GPC6: variants seen among roughly 807,000 people sequenced by gnomAD.
GPC6 encodes glypican 6.
GPC6 carries 14 observed loss-of-function variants against 55.2 expected under a neutral mutation model. The ratio of observed to expected loss-of-function variants is 0.25; its 90% CI spans 0.17 to 0.40. The LOEUF (loss-of-function observed/expected upper bound fraction) is 0.40. Ranked by LOEUF, GPC6 falls within the 10% of genes least tolerant of loss-of-function variation. The probability of loss-of-function intolerance (pLI) is 1.00; values close to 1 mark genes in which losing one functional copy is unlikely to be tolerated. For missense variants in GPC6, 641 were observed against 708.5 expected (o/e 0.90, Z 1.08); for synonymous variants, 278 against 259.6 (o/e 1.07, Z -0.68).
At chr13:93,599,138 G>A (rs536125715) in intron 2 of GPC6, among the ~76,000 whole-genome samples, 67 of 152,204 alleles carry the variant, frequency 4.4e-4, no homozygotes, top group African/African-American at 1.3e-3. Flanking sequence ...AAATTATACC[G>A]AAAAGTTCCT....
intron 4 of GPC6, among the ~76,000 whole-genome samples, chr13:94,284,179 G>C (rs1479027057): frequency 6.6e-6 from 1 of 152,164 alleles, no homozygotes; most frequent in East Asian, 1.9e-4. Context: ...CAGACCCTCT[G>C]TCCGCCTGGG....
At chr13:93,976,755 A>G (rs771099238) in intron 3 of GPC6, among the ~76,000 whole-genome samples, 1 of 151,836 alleles carries the variant, frequency 6.6e-6, no homozygotes, top group Non-Finnish European at 1.5e-5. Context: ...ACTCTTAGGC[A>G]GCTTGTGGCA....
At chr13:93,353,224 G>A (rs558723580) in intron 1 of GPC6, among the ~76,000 whole-genome samples, 1 of 152,316 alleles carries the variant, frequency 6.6e-6, no homozygotes, top group Admixed American at 6.5e-5. Context: ...ATACGATAAA[G>A]TAATTTGGAA....
chr13:94,273,477 A>G (rs910269268), intron 4 of GPC6, among the ~76,000 whole-genome samples: 12 of 152,220 alleles, frequency 7.9e-5, no homozygotes, highest in African/African-American at 2.7e-4. Context: ...GCTTAATTGG[A>G]GCAAAGAAAG....
chr13:93,628,447 C>T lies in GPC6; in HGVS notation c.319+83026C>T, dbSNP rs536815895. On this transcript the variant is annotated intron_variant, in intron 2 of 8. Coordinates refer to ENST00000377047, the MANE Select transcript of GPC6 (RefSeq NM_005708.5). The stretch of plus-strand genomic sequence containing the variant: ...GAGACTGTAGTCTGCCAACATGCAC[C>T]CTTTCGAAGGGGCTATCAGTGAAGA... 8.5e-5 allele frequency among the ~76,000 whole-genome samples: 13 copies of T among 152,200 alleles called. No individual in the cohort carries two copies. In the South Asian group the frequency reaches 1.9e-3, roughly 22 times the overall value.
chr13:93,833,157 G>T (rs1236027211), intron 3 of GPC6, among the ~76,000 whole-genome samples: 1 of 103,948 alleles, frequency 9.6e-6, no homozygotes, highest in African/African-American at 4.2e-5. Flanking sequence ...GAGAGAGAGA[G>T]ATGGTATATA....
At chr13:94,341,863 T>C (rs1035528758) in intron 6 of GPC6, among the ~76,000 whole-genome samples, 3 of 152,208 alleles carry the variant, frequency 2.0e-5, no homozygotes, top group Non-Finnish European at 4.4e-5. Context: ...ACAATAGAAA[T>C]CATTTTATAC....
chr13:93,783,255 A>C (rs537450735), intron 2 of GPC6, among the ~76,000 whole-genome samples: 6 of 152,056 alleles, frequency 3.9e-5, no homozygotes, highest in Non-Finnish European at 8.8e-5. Flanking sequence ...TGTCTTTGCT[A>C]TTGTGCATAG....
intron 3 of GPC6, among the ~76,000 whole-genome samples, chr13:93,962,359 A>C (rs1000217982): frequency 1.3e-5 from 2 of 152,166 alleles, no homozygotes; most frequent in African/African-American, 2.4e-5. Flanking sequence ...ATACAGAAAG[A>C]GAGATGTTGT....
chr13:93,265,025 T>G (rs1877277161), intron 1 of GPC6, among the ~76,000 whole-genome samples: 1 of 152,204 alleles, frequency 6.6e-6, no homozygotes, highest in Non-Finnish European at 1.5e-5. Flanking sequence ...CTTAGAGGTC[T>G]ACTCTCTGAG....
intron 2 of GPC6, among the ~76,000 whole-genome samples, chr13:93,706,202 G>T (rs1050668696): frequency 1.3e-5 from 2 of 151,754 alleles, no homozygotes; most frequent in Non-Finnish European, 2.9e-5. Flanking sequence ...TGTCATACAA[G>T]AAATACTATT....
At chr13:94,254,896 A>C (rs1566598940) in intron 4 of GPC6, among the ~76,000 whole-genome samples, 3 of 152,192 alleles carry the variant, frequency 2.0e-5, no homozygotes, top group African/African-American at 4.8e-5. Flanking sequence ...GAATCATCAC[A>C]AAAGCTCCTT....
intron 1 of GPC6, among the ~76,000 whole-genome samples, chr13:93,335,435 G>C (rs1880011962): frequency 6.6e-6 from 1 of 152,130 alleles, no homozygotes; most frequent in African/African-American, 2.4e-5. Context: ...GTTTGAAGAG[G>C]AGGAACCTGA....
At chr13:94,145,310 A>G (rs1887522994) in intron 4 of GPC6, among the ~76,000 whole-genome samples, 1 of 152,142 alleles carries the variant, frequency 6.6e-6, no homozygotes, top group African/African-American at 2.4e-5. Context: ...CATTAGTATA[A>G]TGTTTTGACT....
chr13:94,400,984 G>A (rs771365530), intron 8 of GPC6, among the ~76,000 whole-genome samples: 3 of 152,110 alleles, frequency 2.0e-5, no homozygotes, highest in African/African-American at 4.8e-5. Flanking sequence ...ATTCCAGGTC[G>A]CCTTTGCTGT....
chr13:94,272,609 C>T (rs1324440083), intron 4 of GPC6, among the ~76,000 whole-genome samples: 1 of 151,648 alleles, frequency 6.6e-6, no homozygotes, highest in African/African-American at 2.4e-5. Context: ...GCTGGGACCA[C>T]AGGCGCCCGC....
intron 1 of GPC6, among the ~76,000 whole-genome samples, chr13:93,480,536 A>G (rs1020423808): frequency 2.0e-5 from 3 of 152,184 alleles, no homozygotes; most frequent in African/African-American, 7.2e-5. Context: ...CATCTTGAAT[A>G]TACAGTACTG....
chr13:94,367,392 T>C (rs953441565), intron 6 of GPC6, among the ~76,000 whole-genome samples: 1 of 152,212 alleles, frequency 6.6e-6, no homozygotes, highest in Non-Finnish European at 1.5e-5. Context: ...CTGTGTCATC[T>C]CTCAAGGACG....
At chr13:94,184,294 T>C (rs1889096673) in intron 4 of GPC6, among the ~76,000 whole-genome samples, 1 of 151,110 alleles carries the variant, frequency 6.6e-6, no homozygotes, top group East Asian at 1.9e-4. Flanking sequence ...AATTAAACCA[T>C]AGAGCTTTTG....
Sources: gnomAD v4.1 joint callset for allele counts (sites outside exome capture counted in the v4.1 genomes callset) on GRCh38, gnomAD v4.1.1 for gene constraint, MANE v1.5 for transcripts, NCBI Gene and HGNC (gene_info 2026-07-23, HGNC 2026-07-21) for gene names.